EOGT: variants seen among roughly 807,000 people sequenced by gnomAD.
EOGT encodes EGF domain specific O-linked N-acetylglucosamine transferase, also known as EGF domain-specific O-linked N-acetylglucosamine transferase.
EOGT carries 55 observed loss-of-function variants against 70.5 expected under a neutral mutation model. That is an observed-to-expected ratio of 0.78 (90% CI 0.63 to 0.98). EOGT has a LOEUF of 0.98. Ranked by LOEUF, EOGT falls within the 50% of genes least tolerant of loss-of-function variation. EOGT has a pLI of 0.00. For missense variants in EOGT, 703 were observed against 641.9 expected, an observed-to-expected ratio of 1.10 and a Z score of -1.03; for synonymous variants, 246 against 217.1, an observed-to-expected ratio of 1.13 and a Z score of -1.17.
chr3:68,989,760 A>G (rs1049858260), intron 10 of EOGT, among the ~76,000 whole-genome samples: 1 of 150,982 alleles, frequency 6.6e-6, no homozygotes, highest in African/African-American at 2.4e-5. Flanking sequence ...AAAAAAAAAA[A>G]AAAAAAAAAA....
At chr3:68,996,579 CAGG>C (rs2091154322) in intron 10 of EOGT, among the ~76,000 whole-genome samples, 1 of 152,196 alleles carries the variant, frequency 6.6e-6, no homozygotes, top group African/African-American at 2.4e-5. Context: ...ACAGCTGTGT[CAGG>C]AGATGTTGGC....
In EOGT at chr3:68,976,464, G is replaced by A. The variant is rs777777547; in HGVS notation, c.*1154C>T. On this transcript the variant is annotated 3_prime_UTR_variant, in exon 18 of 18. Transcript: ENST00000383701. Reference sequence around the variant, plus strand: ...ACAGTCCTACAGAATGTTCTAATTTGCTTTTATCACATGTAGTTGCTACAT... The same window carrying A: ...ACAGTCCTACAGAATGTTCTAATTTACTTTTATCACATGTAGTTGCTACAT... 5.9e-5 allele frequency: 9 copies of A among 152,182 alleles called. No homozygotes were observed. The highest frequency in any genetic ancestry group is 1.3e-4 in the Non-Finnish European group (9 of 68,030). The allele number at this position is 152,182 out of a possible 1,614,324, so 9.4% of individuals were successfully genotyped here. A position where few individuals can be genotyped will look rare whatever the true frequency, so the allele number is the denominator to read the frequency against.
chr3:69,008,405 G>T, intron 5 of EOGT, 23 bp downstream of exon 5: 1 of 1,511,826 alleles, frequency 6.6e-7, no homozygotes, highest in South Asian at 1.1e-5. Context: ...GACTTGAAGA[G>T]GGTATTCCAT....
intron 15 of EOGT, among the ~76,000 whole-genome samples, chr3:68,981,059 C>A (rs1326356187): frequency 6.6e-6 from 1 of 152,160 alleles, no homozygotes; most frequent in Non-Finnish European, 1.5e-5. Context: ...TTTCTTCAAG[C>A]AACACTGACA....
At position 68,988,596 on chromosome 3, in the gene EOGT, T is replaced by C; in HGVS notation, c.925-19A>G. 1.4e-6 allele frequency: 2 copies of C among 1,465,050 alleles called. No homozygotes were observed. Among genetic ancestry groups the C allele is most frequent in the Non-Finnish European group, 9.1e-7 (1 of 1,095,984 alleles). 90.8% of individuals were successfully genotyped at this position (1,465,050 alleles called of 1,614,324 possible). The stretch of plus-strand genomic sequence containing the variant: ...AACATACCTAAGAACAAAGATACAT[T>C]AAAAGAAGATGTAATTTGCACCCTT... On this transcript the variant is annotated intron_variant, in intron 11 of 17. Coordinates refer to ENST00000383701, the MANE Select transcript of EOGT (RefSeq NM_001278689.2).
chr3:68,985,358 T>G (rs78216784), intron 14 of EOGT, among the ~76,000 whole-genome samples: 3,258 of 152,286 alleles, frequency 0.021, 126 homozygotes, highest in African/African-American at 0.075. Context: ...CATATGGGTC[T>G]CAGGAAGAGA....
At chr3:69,001,380 GGTTAA>G (rs1272642762) in intron 9 of EOGT, among the ~76,000 whole-genome samples, 1 of 152,068 alleles carries the variant, frequency 6.6e-6, no homozygotes, top group Admixed American at 6.6e-5. Flanking sequence ...CTTTGATTTT[GGTTAA>G]GTCCTTTGAT....
rs557435122 is a variant in EOGT, at chr3:68,979,944, G to A, written c.1215-157C>T. Among the ~76,000 whole-genome samples, 10 of 152,250 alleles carry A rather than the reference G, an allele frequency of 6.6e-5. No homozygotes were observed. In the South Asian group the frequency reaches 1.0e-3, roughly 16 times the overall value. ...AAGCATTTTTGCCAATTTCAAGTGC[G>A]CTCTAGTAATTAATAAGTTTCTTAA... On this transcript the variant is annotated intron_variant, in intron 15 of 17. Transcript: ENST00000383701.
intron 13 of EOGT, among the ~76,000 whole-genome samples, chr3:68,988,071 C>T (rs544698339): frequency 1.3e-5 from 2 of 152,318 alleles, no homozygotes; most frequent in African/African-American, 2.4e-5. Context: ...CATGCCACCT[C>T]GTCCAGCTAA....
chr3:68,991,893 A>C (rs2091005384), intron 10 of EOGT, among the ~76,000 whole-genome samples: 1 of 152,210 alleles, frequency 6.6e-6, no homozygotes, highest in Non-Finnish European at 1.5e-5. Flanking sequence ...GGCAGCGGCA[A>C]GAGAAAATGA....
intron 5 of EOGT, among the ~76,000 whole-genome samples, chr3:69,008,049 T>C (rs1290113761): frequency 6.6e-6 from 1 of 152,230 alleles, no homozygotes; most frequent in African/African-American, 2.4e-5. Context: ...TATGAAGTTA[T>C]CACCTGAAAC....
rs2090846878 is a variant in EOGT at position 68,987,464 on chromosome 3, T to A, written c.1133A>T (p.Lys378Ile). 1 of 1,613,650 alleles carries A rather than the reference T, an allele frequency of 6.2e-7. No individual in the cohort carries two copies. The highest frequency in any genetic ancestry group is 1.7e-5 in the Admixed American group (1 of 59,944). The stretch of plus-strand genomic sequence containing the variant: ...ACTAACCTCATTTTGGTTAAGGATT[T>A]TCCGGTATTCTGTGCTCCGTGCAAG... ...TILARSTEYR[K>I]ILNQNELVNA... The change falls in exon 14 of 18, where the codon AAA (lysine) becomes ATA (isoleucine). Residue 378 changes from lysine (K) to isoleucine (I), a missense_variant. By Grantham distance (102) the Lys-to-Ile change is moderately radical (BLOSUM62 -3). Coordinates refer to ENST00000383701, the MANE Select transcript of EOGT (RefSeq NM_001278689.2).
At chr3:69,007,675 A>C in intron 6 of EOGT, 38 bp downstream of exon 6, 2 of 1,339,734 alleles carry the variant, frequency 1.5e-6, no homozygotes, top group Admixed American at 4.1e-5. Context: ...ATTAAAATTA[A>C]ATAAACAAGT....
chr3:68,991,508 C>T (rs148963567), intron 10 of EOGT, among the ~76,000 whole-genome samples: 73 of 152,278 alleles, frequency 4.8e-4, no homozygotes, highest in African/African-American at 1.6e-3. Context: ...TGCACTGATG[C>T]ATGCATCCAA....
intron 10 of EOGT, among the ~76,000 whole-genome samples, chr3:68,992,949 G>A (rs1315747541): frequency 6.6e-6 from 1 of 152,210 alleles, no homozygotes; most frequent in South Asian, 2.1e-4. Context: ...GGCTGGAGCG[G>A]CTAGGACACA....
chr3:68,979,533 C>T, intron 16 of EOGT, 135 bp downstream of exon 16: 3 of 987,976 alleles, frequency 3.0e-6, no homozygotes, highest in South Asian at 2.4e-5. Flanking sequence ...CTTTTCTTTC[C>T]AGATTGTCTA....
chr3:68,979,931 C>A, intron 15 of EOGT, 144 bp from the exon 16 acceptor site: 1 of 694,124 alleles, frequency 1.4e-6, no homozygotes, highest in Non-Finnish European at 2.2e-6. Flanking sequence ...GCATTTTTGC[C>A]AATTTCAAGT....
chr3:69,001,724 T>A lies in EOGT; in HGVS notation c.621-10A>T. ...TTGTAGCTCAGCAAACCTGAAATTA[T>A]GAATTGGGACATGACTTCAAACTGA... On this transcript the variant is annotated splice_polypyrimidine_tract_variant and intron_variant, in intron 8 of 17. Coordinates refer to ENST00000383701, the MANE Select transcript of EOGT (RefSeq NM_001278689.2). The A allele has an allele frequency of 6.4e-7, 1 of 1,573,978 alleles. No individual in the cohort carries two copies. The highest frequency in any genetic ancestry group is 8.7e-7 in the Non-Finnish European group (1 of 1,145,810).
At chr3:68,999,623 G>A (rs947251225) in intron 9 of EOGT, among the ~76,000 whole-genome samples, 2 of 152,040 alleles carry the variant, frequency 1.3e-5, no homozygotes, top group African/African-American at 4.8e-5. Flanking sequence ...GTTTGGAAGG[G>A]CTAATTTTTT....
Sources: allele counts gnomAD v4.1 joint callset (sites outside exome capture counted in the v4.1 genomes callset), GRCh38; gene constraint gnomAD v4.1.1; transcripts MANE v1.5; gene names NCBI Gene and HGNC (gene_info 2026-07-23, HGNC 2026-07-21).